TERF2: variants seen among roughly 807,000 people sequenced by gnomAD.
TERF2 encodes the protein telomeric repeat binding factor 2.
Under a neutral mutation model 56.1 loss-of-function variants are expected in TERF2, and 16 were observed. The observed-to-expected ratio is 0.29, with a 90% CI of 0.19 to 0.43. The LOEUF (loss-of-function observed/expected upper bound fraction) is 0.43. Ranked by LOEUF, TERF2 falls within the 20% of genes least tolerant of loss-of-function variation. The pLI, the probability that TERF2 is intolerant of heterozygous loss-of-function variation, is 1.00. For synonymous variants in TERF2, 296 were observed against 282.1 expected, an observed-to-expected ratio of 1.05 and a Z score of -0.50; for missense variants, 547 against 712.9, an observed-to-expected ratio of 0.77 and a Z score of 2.65.
chr16:69,368,329 G>A (rs779371472), intron 6 of TERF2, 47 bp downstream of exon 6: 8 of 1,581,354 alleles, frequency 5.1e-6, no homozygotes, highest in South Asian at 4.4e-5. Context: ...TGCTTCCAGC[G>A]ACCACCCTAG....
At chr16:69,385,561 CTCCA>C in intron 1 of TERF2, 28 bp downstream of exon 1, 1 of 1,470,664 alleles carries the variant, frequency 6.8e-7, no homozygotes, top group Non-Finnish European at 9.5e-7. Flanking sequence ...TTCCCCGGCG[CTCCA>C]ACCCCCCTCC....
chr16:69,361,283 G>T, intron 8 of TERF2, 121 bp downstream of exon 8: 1 of 728,182 alleles, frequency 1.4e-6, no homozygotes, highest in Non-Finnish European at 2.4e-6. Context: ...AATGAGATCG[G>T]GAACTTACTG....
intron 3 of TERF2, among the ~76,000 whole-genome samples, chr16:69,374,688 C>T (rs1383815699): frequency 3.0e-5 from 4 of 131,200 alleles, no homozygotes; most frequent in Non-Finnish European, 6.3e-5. Flanking sequence ...AAAAAAAGGG[C>T]CAGGCGCAGT....
intron 5 of TERF2, among the ~76,000 whole-genome samples, chr16:69,369,786 C>A (rs2142735097): frequency 6.6e-6 from 1 of 152,318 alleles, no homozygotes; most frequent in African/African-American, 2.4e-5. Flanking sequence ...TTTATACTTT[C>A]AGTGACACCT....
In TERF2 at chr16:69,356,591, G is replaced by A. The variant is rs1294510105; in HGVS notation, c.*307C>T. 3.9e-6 allele frequency: 1 copy of A among 257,548 alleles called. No individual in the cohort carries two copies. Among genetic ancestry groups the A allele is most frequent in the Non-Finnish European group, 7.6e-6 (1 of 131,988 alleles). 16.0% of individuals were successfully genotyped at this position (257,548 alleles called of 1,614,324 possible). A position where few individuals can be genotyped will look rare whatever the true frequency, so the allele number is the denominator to read the frequency against. Reference sequence around the variant, plus strand: ...CGAGTTGGGTGGATCACGAGGTCAGGAGATCGAGACCATCCTGGCTAACAC... The same window carrying A: ...CGAGTTGGGTGGATCACGAGGTCAGAAGATCGAGACCATCCTGGCTAACAC... On this transcript the variant is annotated 3_prime_UTR_variant, in exon 10 of 10. Coordinates refer to ENST00000254942, the MANE Select transcript of TERF2 (RefSeq NM_005652.5).
intron 7 of TERF2, among the ~76,000 whole-genome samples, chr16:69,364,264 T>C (rs2013256179): frequency 6.6e-6 from 1 of 152,056 alleles, no homozygotes; most frequent in Non-Finnish European, 1.5e-5. Context: ...CCACTGCCCC[T>C]CCCTGCTCCC....
At chr16:69,372,526 G>C (rs982927853) in intron 3 of TERF2, among the ~76,000 whole-genome samples, 171 bp from the exon 4 acceptor site, 1 of 152,188 alleles carries the variant, frequency 6.6e-6, no homozygotes, top group Non-Finnish European at 1.5e-5. Flanking sequence ...ACTTTGGGAG[G>C]CCAAGGCGGG....
At chr16:69,358,407 A>G (rs1368735767) in intron 8 of TERF2, among the ~76,000 whole-genome samples, 1 of 152,192 alleles carries the variant, frequency 6.6e-6, no homozygotes, top group African/African-American at 2.4e-5. Flanking sequence ...CGGCCTCCCA[A>G]AGTGCTGGGA....
At position 69,367,129 on chromosome 16, in the gene TERF2, C is replaced by T. The variant is rs751146555; in HGVS notation, c.1018G>A (p.Ala340Thr). Residue 340 changes from alanine to threonine, a missense_variant, in exon 7 of 10, where the codon GCA becomes ACA. Transcript: ENST00000254942. ...LKAAFKTLSG[A>T]QDSEAAFAKL... is the part of the protein sequence containing the mutation. ...GCAAAGGCTGCCTCAGAATCCTGTG[C>T]ACCAGACAGAGTCTTGAAAGCTGCT... 6.2e-6 allele frequency: 10 copies of T among 1,614,102 alleles called. No individual in the cohort carries two copies. In the African/African-American group the frequency reaches 9.3e-5, roughly 15 times the overall value.
chr16:69,367,054 A>T lies in TERF2; in HGVS notation c.1093T>A (p.Ser365Thr), dbSNP rs571736869. The T allele has an allele frequency of 3.8e-5, 62 of 1,614,160 alleles. 1 individual carries two copies. In the South Asian group the frequency reaches 6.0e-4, roughly 16 times the overall value. The change falls in exon 7 of 10, where the codon TCA becomes ACA. Residue 365 changes from serine (S) to threonine (T), a missense_variant. Coordinates refer to ENST00000254942, the MANE Select transcript of TERF2 (RefSeq NM_005652.5). ...GGTCTCTTGTTTTTGAGGGCTGGTG[A>T]TGCTGGGAGAGCTTGAGTAGGAAGA... ...LVLPTQALPA[S>T]PALKNKRPRK...
chr16:69,384,190 A>T (rs927029609), intron 3 of TERF2, among the ~76,000 whole-genome samples: 2 of 152,206 alleles, frequency 1.3e-5, no homozygotes, highest in African/African-American at 4.8e-5. Flanking sequence ...GACAGAAAGA[A>T]CTCAAAGTCA....
intron 4 of TERF2, among the ~76,000 whole-genome samples, chr16:69,371,120 G>T (rs1597251114): frequency 6.6e-6 from 1 of 151,896 alleles, no homozygotes; most frequent in Non-Finnish European, 1.5e-5. Context: ...GGTCACAGAT[G>T]AGAGTATTTT....
At chr16:69,361,113 G>A (rs1256331742) in intron 8 of TERF2, among the ~76,000 whole-genome samples, 2 of 151,750 alleles carry the variant, frequency 1.3e-5, no homozygotes, top group African/African-American at 4.8e-5. Context: ...CACACCTGCA[G>A]TCCCAGCTAC....
intron 3 of TERF2, among the ~76,000 whole-genome samples, chr16:69,383,886 C>G (rs1185062716): frequency 6.6e-6 from 1 of 152,198 alleles, no homozygotes; most frequent in East Asian, 1.9e-4. Flanking sequence ...TCCACACCCC[C>G]CAGCCTTGGT....
intron 3 of TERF2, among the ~76,000 whole-genome samples, chr16:69,378,304 A>C (rs992312150): frequency 8.5e-5 from 13 of 152,176 alleles, no homozygotes; most frequent in Admixed American, 8.5e-4. Flanking sequence ...GTGGAAGGCT[A>C]TGGAATTTGT....
At chr16:69,380,461 C>A (rs922751682) in intron 3 of TERF2, among the ~76,000 whole-genome samples, 5 of 151,552 alleles carry the variant, frequency 3.3e-5, no homozygotes, top group South Asian at 2.1e-4. Context: ...GAGTGCAAGA[C>A]CAGCCTGGCC....
chr16:69,370,266 G>T (rs1484642027), intron 5 of TERF2: 1 of 547,650 alleles, frequency 1.8e-6, no homozygotes, highest in Non-Finnish European at 3.1e-6. Context: ...CCTGACCTCA[G>T]GTGATCCACC....
intron 5 of TERF2, chr16:69,370,091 C>T (rs767073040): frequency 3.8e-5 from 8 of 209,010 alleles, no homozygotes; most frequent in African/African-American, 6.9e-5. Flanking sequence ...AGTGCAATGG[C>T]GCAATCTTGG....
rs1261493301 is a variant in TERF2 at position 69,357,471 on chromosome 16, C to G, written c.1470+47G>C. ...GTGAGACAGGGCGCGTATTTTACCTCTGCTCTACCCACATAACCAGTAACA... is the reference window on the plus strand; with the variant it reads ...GTGAGACAGGGCGCGTATTTTACCTGTGCTCTACCCACATAACCAGTAACA... On this transcript the variant is annotated intron_variant, in intron 9 of 9. Coordinates refer to ENST00000254942, the MANE Select transcript of TERF2 (RefSeq NM_005652.5). The G allele has an allele frequency of 1.9e-6, 3 of 1,551,312 alleles. No individual in the cohort carries two copies. The Admixed American group carries it at 5.1e-5, about 26-fold the overall frequency.
Sources: allele counts gnomAD v4.1 joint callset (sites outside exome capture counted in the v4.1 genomes callset), GRCh38; gene constraint gnomAD v4.1.1; transcripts MANE v1.5; gene names NCBI Gene and HGNC (gene_info 2026-07-23, HGNC 2026-07-21).